PSMD11: variants seen among roughly 807,000 people sequenced by gnomAD.
PSMD11 encodes the protein proteasome 26S subunit, non-ATPase 11, also known as 26S proteasome non-ATPase regulatory subunit 11.
Under a neutral mutation model 62.3 loss-of-function variants are expected in PSMD11, and 5 were observed. The ratio of observed to expected loss-of-function variants is 0.08; its 90% CI spans 0.04 to 0.17. The LOEUF is 0.17. PSMD11 is among the 10% of genes least tolerant of loss of function. The pLI is 1.00. For synonymous variants in PSMD11, 191 were observed against 191.8 expected (o/e 1.00, Z 0.03); for missense variants, 310 against 512.9 (o/e 0.60, Z 3.82).
At chr17:32,464,441 C>T (rs1342816324) in intron 4 of PSMD11, 80 bp from the exon 5 acceptor site, 1 of 1,172,604 alleles carries the variant, frequency 8.5e-7, no homozygotes. Context: ...TTAACAGTAA[C>T]AGTTCTGTGA....
chr17:32,451,154 G>A (rs1300866671), intron 2 of PSMD11, among the ~76,000 whole-genome samples: 2 of 151,590 alleles, frequency 1.3e-5, no homozygotes, highest in South Asian at 2.1e-4. Flanking sequence ...AAAAAGACAT[G>A]TAGGGGGACA....
chr17:32,455,848 T>C (rs1250722215), intron 3 of PSMD11, among the ~76,000 whole-genome samples: 2 of 152,146 alleles, frequency 1.3e-5, no homozygotes, highest in Non-Finnish European at 2.9e-5. Context: ...AATTGTACTT[T>C]AAAAAACTCA....
In PSMD11 at chr17:32,465,906, T is replaced by C. The variant is rs184477302; in HGVS notation, c.448+1328T>C. On this transcript the variant is annotated intron_variant, in intron 5 of 13. Transcript: ENST00000261712. ...AGAAGAATCATTTGAACCCGGGAGG[T>C]GGAGGTTGCAGTGAGCCAAGATTAT... 8.0e-3 allele frequency among the ~76,000 whole-genome samples: 1,218 copies of C among 152,118 alleles called. 18 individuals are homozygous for C. The highest frequency in any genetic ancestry group is 0.028 in the African/African-American group (1,163 of 41,502).
intron 5 of PSMD11, 78 bp downstream of exon 5, chr17:32,464,656 C>T (rs1253677090): frequency 9.0e-7 from 1 of 1,110,410 alleles, no homozygotes; most frequent in Non-Finnish European, 1.3e-6. Flanking sequence ...TTACTAATTA[C>T]CTGTTAATAA....
chr17:32,444,822 C>T (rs1196513173), intron 1 of PSMD11: 2 of 594,354 alleles, frequency 3.4e-6, no homozygotes, highest in Non-Finnish European at 5.7e-6. Flanking sequence ...ATCCCCGGGT[C>T]CCCTCGCCGG....
intron 7 of PSMD11, 66 bp downstream of exon 7, chr17:32,474,011 G>C: frequency 1.3e-6 from 2 of 1,575,680 alleles, no homozygotes; most frequent in Non-Finnish European, 1.7e-6. Flanking sequence ...TGCCATGGCA[G>C]AGATGGCCTG....
intron 1 of PSMD11, chr17:32,444,977 G>C (rs1022057951): frequency 4.5e-5 from 16 of 358,054 alleles, no homozygotes; most frequent in Non-Finnish European, 7.1e-5. Context: ...TGCTTGTCAC[G>C]GACTGGTCCT....
chr17:32,444,962 C>A (rs1907286400), intron 1 of PSMD11: 2 of 379,828 alleles, frequency 5.3e-6, no homozygotes, highest in Admixed American at 4.8e-5. Flanking sequence ...CAGTGCCGGC[C>A]GGCGTGCTTG....
chr17:32,478,468 C>G (rs567016795), intron 9 of PSMD11, among the ~76,000 whole-genome samples: 1 of 152,186 alleles, frequency 6.6e-6, no homozygotes, highest in Non-Finnish European at 1.5e-5. Context: ...AATACTTGGT[C>G]TAGATCATTT....
At chr17:32,457,809 T>G (rs1907694573) in intron 3 of PSMD11, among the ~76,000 whole-genome samples, 1 of 151,356 alleles carries the variant, frequency 6.6e-6, no homozygotes, top group Admixed American at 6.6e-5. Context: ...CTCTTTTTTT[T>G]TTTTTCCCCG....
At chr17:32,447,920 A>G (rs1907377266) in intron 2 of PSMD11, among the ~76,000 whole-genome samples, 1 of 143,812 alleles carries the variant, frequency 7.0e-6, no homozygotes, top group Non-Finnish European at 1.5e-5. Context: ...TTGCTGTGTC[A>G]CCCGGGTTGG....
chr17:32,468,713 A>G lies in PSMD11; in HGVS notation c.449-286A>G, dbSNP rs145944964. On this transcript the variant is annotated intron_variant, in intron 5 of 13. Coordinates refer to ENST00000261712, the MANE Select transcript of PSMD11 (RefSeq NM_002815.4). ...ACTGGATAACTAGATTTAGCATTTT[A>G]TAGGTAGAGATTCCCACTGTATTTA... Among the ~76,000 whole-genome samples the G allele has an allele frequency of 3.3e-3, 509 of 152,282 alleles. 4 individuals are homozygous for G. Among genetic ancestry groups the G allele is most frequent in the African/African-American group, 0.012 (484 of 41,532 alleles).
intron 3 of PSMD11, among the ~76,000 whole-genome samples, chr17:32,458,093 C>A (rs898827105): frequency 2.0e-5 from 3 of 152,146 alleles, no homozygotes; most frequent in Admixed American, 1.3e-4. Flanking sequence ...GCTACTGCGC[C>A]CAGCTGTGGT....
intron 3 of PSMD11, among the ~76,000 whole-genome samples, chr17:32,462,990 C>T (rs1373512548): frequency 6.6e-6 from 1 of 152,202 alleles, no homozygotes; most frequent in East Asian, 1.9e-4. Flanking sequence ...GCCTGGCCAG[C>T]ATTTCTTAAG....
At chr17:32,460,147 C>T (rs763089785) in intron 3 of PSMD11, among the ~76,000 whole-genome samples, 20 of 152,112 alleles carry the variant, frequency 1.3e-4, no homozygotes, top group Non-Finnish European at 2.4e-4. Flanking sequence ...TAACCTTGAA[C>T]ATCTGGGCTC....
At position 32,470,906 on chromosome 17, in the gene PSMD11, C is replaced by T. The variant is rs147028578; in HGVS notation, c.643+1713C>T. Among the ~76,000 whole-genome samples the T allele has an allele frequency of 3.7e-4, 56 of 152,284 alleles. No individual in the cohort carries two copies. In the East Asian group the frequency reaches 8.3e-3, roughly 23 times the overall value. On this transcript the variant is annotated intron_variant, in intron 6 of 13. Transcript: ENST00000261712. ...TACTTAACAGTAGTAGAAAAAGGAT[C>T]TGATTCCCACAAACCCAAAGTGGGA... is the stretch of plus-strand genomic sequence containing the variant.
chr17:32,454,745 A>C (rs770458809), intron 3 of PSMD11, 126 bp downstream of exon 3: 2 of 1,026,502 alleles, frequency 1.9e-6, no homozygotes, highest in African/African-American at 3.3e-5. Context: ...AGGACTTATC[A>C]TGTCAGTTTC....
intron 7 of PSMD11, 143 bp from the exon 8 acceptor site, chr17:32,474,621 C>T: frequency 2.7e-6 from 2 of 742,056 alleles, no homozygotes; most frequent in Non-Finnish European, 4.7e-6. Context: ...ATGTGATGGG[C>T]ATATGGGTTT....
chr17:32,456,459 G>T (rs1016297408), intron 3 of PSMD11, among the ~76,000 whole-genome samples: 2 of 151,988 alleles, frequency 1.3e-5, no homozygotes, highest in Non-Finnish European at 2.9e-5. Flanking sequence ...TGCAACCCCC[G>T]CCTCCCGGGT....
Sources: allele counts gnomAD v4.1 joint callset (sites outside exome capture counted in the v4.1 genomes callset), GRCh38; gene constraint gnomAD v4.1.1; transcripts MANE v1.5; gene names NCBI Gene and HGNC (gene_info 2026-07-23, HGNC 2026-07-21).